Variants in GALNT13 observed in about 807,000 individuals in gnomAD.
GALNT13 encodes polypeptide N-acetylgalactosaminyltransferase 13.
Under a neutral mutation model 64.2 loss-of-function variants are expected in GALNT13, and 28 were observed. The ratio of observed to expected loss-of-function variants is 0.44; its 90% CI spans 0.32 to 0.60. GALNT13 has a LOEUF of 0.60. Among genes scored for constraint, GALNT13 ranks in the 20% least tolerant of loss-of-function variants. GALNT13 has a pLI of 0.05. For synonymous variants in GALNT13, 214 were observed against 224.6 expected, an observed-to-expected ratio of 0.95 and a Z score of 0.42; for missense variants, 577 against 669.8, an observed-to-expected ratio of 0.86 and a Z score of 1.53.
the GALNT13 span, among the ~76,000 whole-genome samples, chr2:153,251,838 T>TA: frequency 6.6e-6 from 1 of 151,902 alleles, no homozygotes; most frequent in East Asian, 1.9e-4. Flanking sequence ...CCATGGTGTA[T>TA]ATGTGCCACA....
intron 3 of GALNT13, among the ~76,000 whole-genome samples, chr2:154,090,930 G>A (rs1422991902): frequency 6.6e-6 from 1 of 151,872 alleles, no homozygotes; most frequent in East Asian, 1.9e-4. Flanking sequence ...TGAGGATTTA[G>A]GGTTCTTAAT....
chr2:154,408,644 T>C (rs1246869045), intron 10 of GALNT13, among the ~76,000 whole-genome samples: 10 of 152,046 alleles, frequency 6.6e-5, no homozygotes, highest in African/African-American at 2.4e-5. Context: ...ATATGAAAAG[T>C]GTGTCCTAAT....
At chr2:154,342,645 T>C (rs1695836458) in intron 9 of GALNT13, among the ~76,000 whole-genome samples, 1 of 152,108 alleles carries the variant, frequency 6.6e-6, no homozygotes, top group East Asian at 1.9e-4. Flanking sequence ...TTCTGTGTTA[T>C]GTATGACTGT....
chr2:153,331,867 G>A, the GALNT13 span, among the ~76,000 whole-genome samples: 1 of 151,764 alleles, frequency 6.6e-6, no homozygotes, highest in South Asian at 2.1e-4. Flanking sequence ...ATATTGACCT[G>A]TTTTGTATTT....
At chr2:153,622,536 C>T in the GALNT13 span, among the ~76,000 whole-genome samples, 83 of 152,248 alleles carry the variant, frequency 5.5e-4, no homozygotes, top group Admixed American at 2.6e-3. Flanking sequence ...ATGGTCTCGC[C>T]AAAGGGCAAG....
the GALNT13 span, among the ~76,000 whole-genome samples, chr2:153,345,723 T>TTCCTTCCA: frequency 1.2e-5 from 1 of 82,782 alleles, no homozygotes; most frequent in East Asian, 3.1e-4. Context: ...CTTTCTGTCC[T>TTCCTTCCA]TCCTTCCTTC....
intron 8 of GALNT13, among the ~76,000 whole-genome samples, chr2:154,280,628 A>G (rs1267521476): frequency 6.6e-6 from 1 of 152,158 alleles, no homozygotes; most frequent in African/African-American, 2.4e-5. Flanking sequence ...TTTTCCACTC[A>G]AGTTCTTTTT....
the GALNT13 span, among the ~76,000 whole-genome samples, chr2:153,176,770 TAAAA>T: frequency 2.9e-5 from 4 of 139,668 alleles, no homozygotes; most frequent in Non-Finnish European, 3.1e-5. Flanking sequence ...TGCCTGAGTT[TAAAA>T]AAAAAAAAAA....
At chr2:153,474,544 G>C in the GALNT13 span, among the ~76,000 whole-genome samples, 2 of 152,146 alleles carry the variant, frequency 1.3e-5, no homozygotes, top group Non-Finnish European at 1.5e-5. Context: ...TCAAGCTCTT[G>C]CTACATTTTC....
chr2:154,262,727 A>C (rs2105907506), intron 8 of GALNT13, among the ~76,000 whole-genome samples: 1 of 152,276 alleles, frequency 6.6e-6, no homozygotes, highest in East Asian at 1.9e-4. Context: ...CAATAAACAA[A>C]ATAAATAAAA....
chr2:154,125,205 G>A (rs1429525328), intron 3 of GALNT13, among the ~76,000 whole-genome samples: 1 of 152,062 alleles, frequency 6.6e-6, no homozygotes, highest in Non-Finnish European at 1.5e-5. Context: ...TGTATATGTT[G>A]GATGGGAACA....
chr2:154,296,925 G>A (rs144107891), intron 8 of GALNT13, among the ~76,000 whole-genome samples: 1 of 152,296 alleles, frequency 6.6e-6, no homozygotes, highest in Non-Finnish European at 1.5e-5. Context: ...TTTCAGCTGA[G>A]ATGACAAGTA....
intron 7 of GALNT13, 45 bp from the exon 8 acceptor site, chr2:154,258,976 T>G: frequency 9.9e-7 from 1 of 1,010,362 alleles, no homozygotes; most frequent in East Asian, 2.4e-5. Flanking sequence ...ACTCCATACA[T>G]TGTTTTCAAA....
intron 8 of GALNT13, among the ~76,000 whole-genome samples, chr2:154,301,056 A>C (rs1419976048): frequency 6.6e-6 from 1 of 152,204 alleles, no homozygotes; most frequent in East Asian, 1.9e-4. Flanking sequence ...AATCAAATTT[A>C]GTTTTTGACA....
chr2:154,225,919 C>T (rs1688595208), intron 4 of GALNT13, among the ~76,000 whole-genome samples: 2 of 151,964 alleles, frequency 1.3e-5, no homozygotes, highest in Admixed American at 6.6e-5. Flanking sequence ...GGGGCAGGAC[C>T]CTCTCCAGAA....
At chr2:153,153,386 A>G in the GALNT13 span, among the ~76,000 whole-genome samples, 1 of 151,824 alleles carries the variant, frequency 6.6e-6, no homozygotes, top group East Asian at 1.9e-4. Flanking sequence ...TCTGTACAGA[A>G]GTCTTTAATT....
chr2:153,093,567 A>C, the GALNT13 span, among the ~76,000 whole-genome samples: 1 of 151,974 alleles, frequency 6.6e-6, no homozygotes, highest in African/African-American at 2.4e-5. Context: ...TGTATTGTTG[A>C]ATTCAGTTTG....
chr2:153,113,999 T>G, the GALNT13 span, among the ~76,000 whole-genome samples: 13 of 152,126 alleles, frequency 8.5e-5, no homozygotes, highest in Non-Finnish European at 1.8e-4. Context: ...TTTTCATTTG[T>G]TGCCAATACC....
At chr2:153,357,408 G>T in the GALNT13 span, 5 of 152,086 alleles carry the variant, frequency 3.3e-5, no homozygotes, top group Non-Finnish European at 7.4e-5. Flanking sequence ...TTAAAATGCT[G>T]ACTTTCTATG....
Sources: allele counts gnomAD v4.1 joint callset (sites outside exome capture counted in the v4.1 genomes callset), GRCh38; gene constraint gnomAD v4.1.1; transcripts MANE v1.5; gene names NCBI Gene and HGNC (gene_info 2026-07-23, HGNC 2026-07-21).